Variants in TINCR observed in about 807,000 individuals in gnomAD.
The protein encoded by TINCR is TINCR-encoded ubiquitin-like protein.
In TINCR at chr19:5,563,438, AG is replaced by A. The variant is rs1474617533; in HGVS notation, c.261-490del. 2.6e-5 allele frequency among the ~76,000 whole-genome samples: 4 copies of A among 152,114 alleles called. No individual in the cohort carries two copies. The highest frequency in any genetic ancestry group is 5.9e-5 in the Non-Finnish European group (4 of 67,998). ...TGAAGGACAGATAGAGGGGCTTGGG[AG>A]GAAGAGAGGAATAGACTGATGTCAA... On this transcript the variant is annotated intron_variant, in intron 1 of 1. Coordinates refer to ENST00000646160, the Ensembl canonical transcript of TINCR. This position sits in a 1 kb window ranked among gnomAD's most constrained non-coding sequence, Gnocchi z 4.7.
chr19:5,567,239 G>A (rs1318074609), intron 1 of TINCR, among the ~76,000 whole-genome samples: 3 of 151,770 alleles, frequency 2.0e-5, no homozygotes, highest in African/African-American at 7.3e-5. Flanking sequence ...GAAAGAGACA[G>A]AGATAAAAGA....
downstream of TINCR, chr19:5,559,819 G>A (rs12610531): frequency 0.16 from 23,682 of 152,188 alleles, 2,665 homozygotes; most frequent in East Asian, 0.53. Context: ...CTAGATACAC[G>A]CATGTGGCCC....
chr19:5,564,209 C>T (rs560597448), intron 1 of TINCR, among the ~76,000 whole-genome samples: 7 of 152,306 alleles, frequency 4.6e-5, no homozygotes, highest in Admixed American at 2.6e-4. Context: ...TTGTCCCGAG[C>T]AGCCCACGCA....
chr19:5,565,386 G>A lies in TINCR; in HGVS notation c.260+2279C>T, dbSNP rs377612792. On this transcript the variant is annotated intron_variant, in intron 1 of 1. Coordinates refer to ENST00000646160, the Ensembl canonical transcript of TINCR. The surrounding 1 kb of genome is among the most constrained non-coding windows in gnomAD (Gnocchi z 4.0). ...CCCTGCATCCCCCACAGCGCCAATTGCGAGTTGACATTCTCCTGTGCTATT... is the reference window on the plus strand; with the variant it reads ...CCCTGCATCCCCCACAGCGCCAATTACGAGTTGACATTCTCCTGTGCTATT... 2.3e-4 allele frequency among the ~76,000 whole-genome samples: 35 copies of A among 152,220 alleles called. No homozygotes were observed. The East Asian group carries it at 3.5e-3, about 15-fold the overall frequency.
downstream of TINCR, chr19:5,558,287 C>G (rs1487307326): frequency 2.0e-5 from 3 of 152,218 alleles, no homozygotes; most frequent in African/African-American, 7.2e-5. Context: ...GGAGGAGACA[C>G]AGACCTCCCA....
intron 1 of TINCR, among the ~76,000 whole-genome samples, chr19:5,567,363 AAGAGACAGAGATG>A (rs755359727): frequency 2.0e-5 from 3 of 151,980 alleles, no homozygotes; most frequent in Non-Finnish European, 4.4e-5. Flanking sequence ...ACAAAAGAAG[AAGAGACAGAGATG>A]AGAGACAGAG....
rs1338505252 is a variant in TINCR at position 5,565,267 on chromosome 19, C to G, written c.261-2318G>C. On this transcript the variant is annotated intron_variant, in intron 1 of 1. Transcript: ENST00000646160. This position sits in a 1 kb window ranked among gnomAD's most constrained non-coding sequence, Gnocchi z 4.0. ...GTTCCTACTGCCTGGAACACCCTTC[C>G]CTGACTCTCTGTTTAACCACCTCCT... is the stretch of plus-strand genomic sequence containing the variant. Among the ~76,000 whole-genome samples, 1 of 152,184 alleles carries G rather than the reference C, an allele frequency of 6.6e-6. No individual in the cohort carries two copies. Among genetic ancestry groups the G allele is most frequent in the African/African-American group, 2.4e-5 (1 of 41,448 alleles).
downstream of TINCR, chr19:5,562,533 T>G (rs1378670786): frequency 6.6e-6 from 1 of 152,204 alleles, no homozygotes; most frequent in Non-Finnish European, 1.5e-5. The surrounding 1 kb of genome is among the most constrained non-coding windows in gnomAD (Gnocchi z 4.4). Context: ...GGCAGTACCC[T>G]CACAGAGTTT....
Position 5,565,402 on chromosome 19 carries a change from C to T in TINCR, c.260+2263G>A, listed in dbSNP as rs553531252. Among the ~76,000 whole-genome samples the T allele has an allele frequency of 1.9e-4, 29 of 152,298 alleles. No individual in the cohort carries two copies. The South Asian group carries it at 4.6e-3, about 24-fold the overall frequency. On this transcript the variant is annotated intron_variant, in intron 1 of 1. Coordinates refer to ENST00000646160, the Ensembl canonical transcript of TINCR. This position sits in a 1 kb window ranked among gnomAD's most constrained non-coding sequence, Gnocchi z 4.0. ...GCGCCAATTGCGAGTTGACATTCTC[C>T]TGTGCTATTATTTGGCTCTAGGCTC...
intron 1 of TINCR, among the ~76,000 whole-genome samples, chr19:5,566,091 GT>G (rs1430947013): frequency 6.6e-6 from 1 of 152,210 alleles, no homozygotes; most frequent in African/African-American, 2.4e-5. Context: ...ATATCCAAGT[GT>G]GAGTGTGGGT....
intron 1 of TINCR, among the ~76,000 whole-genome samples, chr19:5,564,417 G>A (rs1281480736): frequency 1.3e-5 from 2 of 152,098 alleles, no homozygotes; most frequent in Admixed American, 6.6e-5. Context: ...TAGCTGCCTC[G>A]GGACACACAG....
Position 5,563,055 on chromosome 19 carries a change from G to C in TINCR, c.261-106C>G, listed in dbSNP as rs935792823. The C allele has an allele frequency of 1.3e-5, 2 of 152,540 alleles. No individual in the cohort carries two copies. The highest frequency in any genetic ancestry group is 4.8e-5 in the African/African-American group (2 of 41,418). The allele number at this position is 152,540 out of a possible 1,614,324, so 9.4% of individuals were successfully genotyped here. A position where few individuals can be genotyped will look rare whatever the true frequency, so the allele number is the denominator to read the frequency against. On this transcript the variant is annotated intron_variant, in intron 1 of 1. Coordinates refer to ENST00000646160, the Ensembl canonical transcript of TINCR. This position sits in a 1 kb window ranked among gnomAD's most constrained non-coding sequence, Gnocchi z 4.7. ...AGGCTGAAGGAACAGCCTGTCCAGA[G>C]GCTCTGAGGCAGCGAGGAGGCCTGT...
At chr19:5,561,065 A>AGG, downstream of TINCR, 1 of 154,020 alleles carries the variant, frequency 6.5e-6, no homozygotes, top group South Asian at 2.1e-4. Context: ...GTGGCTGGGA[A>AGG]AATGTCCTGG....
intron 1 of TINCR, 130 bp downstream of exon 1, chr19:5,567,535 G>A (rs1365062529): frequency 5.4e-6 from 2 of 367,330 alleles, no homozygotes; most frequent in Non-Finnish European, 9.7e-6. Flanking sequence ...GAGAGAGGCC[G>A]GGCGGGCAGC....
chr19:5,567,678 C>T, exon 1 of TINCR: 1 of 163,560 alleles, frequency 6.1e-6, no homozygotes, highest in African/African-American at 2.5e-5. Context: ...GGGTCGCTGA[C>T]GAGCAGCAGC....
chr19:5,565,689 TG>T lies in TINCR; in HGVS notation c.260+1975del, dbSNP rs1437839247. On this transcript the variant is annotated intron_variant, in intron 1 of 1. Transcript: ENST00000646160. The surrounding 1 kb of genome is among the most constrained non-coding windows in gnomAD (Gnocchi z 4.0). The stretch of plus-strand genomic sequence containing the variant: ...GCTAAGATCTTCCCTCAAGAGGGCC[TG>T]GGGAGGGGGCCTCTCCTGCCCCCAT... Among the ~76,000 whole-genome samples, 1 of 152,096 alleles carries T rather than the reference TG, an allele frequency of 6.6e-6. No individual in the cohort carries two copies. Among genetic ancestry groups the T allele is most frequent in the Non-Finnish European group, 1.5e-5 (1 of 68,008 alleles).
At chr19:5,561,406 C>T (rs1162428148), downstream of TINCR, 1 of 153,630 alleles carries the variant, frequency 6.5e-6, no homozygotes, top group African/African-American at 2.4e-5. Context: ...GACCCTGGAA[C>T]AACAGGAGGG....
chr19:5,567,265 G>C (rs1244135879), intron 1 of TINCR, among the ~76,000 whole-genome samples: 1 of 151,924 alleles, frequency 6.6e-6, no homozygotes, highest in Non-Finnish European at 1.5e-5. Context: ...ACAGACAAAA[G>C]AGAGAGATGA....
At chr19:5,567,055 CAG>C (rs1385712117) in intron 1 of TINCR, among the ~76,000 whole-genome samples, 1 of 151,332 alleles carries the variant, frequency 6.6e-6, no homozygotes, top group Non-Finnish European at 1.5e-5. Context: ...GAGGAAAAAA[CAG>C]AGACCAAAAT....
Sources: gnomAD v4.1 joint callset for allele counts (sites outside exome capture counted in the v4.1 genomes callset) on GRCh38, gnomAD v4.1.1 for gene constraint, Gnocchi (gnomAD v3.1) non-coding constraint, MANE v1.5 for transcripts, NCBI Gene and HGNC (gene_info 2026-07-23, HGNC 2026-07-21) for gene names.